The following HID1 variants were observed in gnomAD, a reference collection of about 807,000 sequenced individuals.
The protein encoded by HID1 is protein HID1.
HID1 carries 42 observed loss-of-function variants against 89.7 expected under a neutral mutation model. That is an observed-to-expected ratio of 0.47 (90% CI 0.37 to 0.61). The LOEUF (loss-of-function observed/expected upper bound fraction) is 0.61, where lower values mean the gene tolerates loss of function less well. HID1 is among the 20% of genes least tolerant of loss of function. HID1 has a pLI of 0.00. For missense variants in HID1, 854 were observed against 1,039.3 expected, an observed-to-expected ratio of 0.82 and a Z score of 2.45; for synonymous variants, 442 against 433.8, an observed-to-expected ratio of 1.02 and a Z score of -0.24.
chr17:74,960,078 G>A lies in HID1; in HGVS notation c.899C>T (p.Ala300Val), dbSNP rs775504667. The change falls in exon 7 of 19, where the codon GCC becomes GTC. Residue 300 changes from alanine (A) to valine (V), a missense_variant. Physicochemically the swap from Ala to Val is moderately conservative, Grantham distance 64. Transcript: ENST00000425042. ...VTLDHDSASS[A>V]SPTVDGTTTG... ...GGTGGTGCCGTCCACAGTGGGGCTGGCACTGCTGGCACTGTCGTGGTCCAA... is the reference window on the plus strand; with the variant it reads ...GGTGGTGCCGTCCACAGTGGGGCTGACACTGCTGGCACTGTCGTGGTCCAA... The A allele has an allele frequency of 6.2e-6, 10 of 1,613,444 alleles. No individual in the cohort carries two copies. The South Asian group carries it at 8.8e-5, about 14-fold the overall frequency.
In HID1 at chr17:74,951,940, C is replaced by G; in HGVS notation, c.2268G>C (p.Trp756Cys). ...TGACGCCCCACATGTAGGTGCGGAA[C>G]CACATGGCAGTGCCCGAGTTGGCCT... ...KYQANSGTAM[W>C]FRTYMWGVIY... The change falls in exon 18 of 19, where the codon TGG becomes TGC. Residue 756 changes from tryptophan to cysteine, a missense_variant. Physicochemically the swap from Trp to Cys is radical, Grantham distance 215. Coordinates refer to ENST00000425042, the MANE Select transcript of HID1 (RefSeq NM_030630.3). 6.4e-7 allele frequency: 1 copy of G among 1,556,080 alleles called. No individual in the cohort carries two copies. Among genetic ancestry groups the G allele is most frequent in the Non-Finnish European group, 8.7e-7 (1 of 1,150,722 alleles).
rs1219690226 is a variant in HID1, at chr17:74,960,091, T to C, written c.886A>G (p.Ser296Gly). 6.2e-7 allele frequency: 1 copy of C among 1,613,838 alleles called. No homozygotes were observed. The highest frequency in any genetic ancestry group is 8.5e-7 in the Non-Finnish European group (1 of 1,180,050). ...ACAGTGGGGCTGGCACTGCTGGCACTGTCGTGGTCCAAAGTGACAATGAGC... is the reference window on the plus strand; with the variant it reads ...ACAGTGGGGCTGGCACTGCTGGCACCGTCGTGGTCCAAAGTGACAATGAGC... ...QVLIVTLDHD[S>G]ASSASPTVDG... The change falls in exon 7 of 19, where the codon AGT (serine) becomes GGT (glycine). Residue 296 changes from serine to glycine, a missense_variant. Transcript: ENST00000425042.
At chr17:74,971,596 T>TG (rs577176039) in intron 1 of HID1, among the ~76,000 whole-genome samples, 8 of 151,174 alleles carry the variant, frequency 5.3e-5, no homozygotes, top group Admixed American at 4.6e-4. Context: ...GAGCAGGAGG[T>TG]GGGGGGGCCA....
chr17:74,965,596 C>G (rs1598632745), intron 1 of HID1, among the ~76,000 whole-genome samples: 2 of 152,186 alleles, frequency 1.3e-5, no homozygotes, highest in Non-Finnish European at 2.9e-5. Context: ...TTCCAAAATC[C>G]ATTCCCACGG....
chr17:74,964,079 G>A (rs1482197264), intron 2 of HID1, 169 bp from the exon 3 acceptor site: 11 of 674,352 alleles, frequency 1.6e-5, no homozygotes, highest in East Asian at 5.4e-5. Context: ...AGTTGGGGTC[G>A]GCCAGCCTTG....
Position 74,961,885 on chromosome 17 carries a change from G to A in HID1, c.716C>T (p.Ser239Phe). The A allele has an allele frequency of 1.9e-6, 3 of 1,576,724 alleles. No homozygotes were observed. The highest frequency in any genetic ancestry group is 1.7e-6 in the Non-Finnish European group (2 of 1,160,920). The change falls in exon 6 of 19, where the codon TCC becomes TTC. Residue 239 changes from serine (S) to phenylalanine (F), a missense_variant. Ser to Phe is a radical substitution (Grantham distance 155, BLOSUM62 -2). Coordinates refer to ENST00000425042, the MANE Select transcript of HID1 (RefSeq NM_030630.3). Reference protein sequence around the residue: ...STNPWVQFFCSTENRHALPLF... With the variant: ...STNPWVQFFCFTENRHALPLF... ...AAGGGCCCTTCACCTGTTCTCCGTG[G>A]AACAAAAGAACTGAACCCATGGGTT...
rs1176389073 is a variant in HID1 at position 74,958,354 on chromosome 17, T to G, written c.1365A>C (p.Thr455=). The change falls in exon 11 of 19, where the codon ACA becomes ACC. Residue 455 remains threonine (T), a synonymous_variant. Transcript: ENST00000425042. The surrounding 1 kb of genome is among the most constrained non-coding windows in gnomAD (Gnocchi z 5.2). ...IRVPMDIPVF[T]GTHADLLIVV... is the part of the protein sequence containing the mutation. ...CAATGAGCAGGTCGGCGTGGGTCCC[T>G]GTGAAGACTGGGATGTCCATGGGCA... is the stretch of plus-strand genomic sequence containing the variant. 9 of 1,613,038 alleles carry G rather than the reference T, an allele frequency of 5.6e-6. No homozygotes were observed. Among genetic ancestry groups the G allele is most frequent in the Non-Finnish European group, 6.8e-6 (8 of 1,179,664 alleles).
chr17:74,953,017 T>C lies in HID1; in HGVS notation c.2041A>G (p.Thr681Ala), dbSNP rs1295983220. 4.4e-6 allele frequency: 7 copies of C among 1,607,020 alleles called. No individual in the cohort carries two copies. Among genetic ancestry groups the C allele is most frequent in the Admixed American group, 3.4e-5 (2 of 59,330 alleles). Residue 681 changes from threonine (T) to alanine (A), a missense_variant, in exon 16 of 19, where the codon ACG (threonine) becomes GCG (alanine). Transcript: ENST00000425042. The stretch of plus-strand genomic sequence containing the variant: ...GGGTCCCTCCTCACCCACTCTGGCG[T>C]TGGGCTCCACTGCCCACTGGCTGAT... ...TSSASGQWSP[T>A]PEWVLSWKSK...
chr17:74,962,659 T>C lies in HID1; in HGVS notation c.504+306A>G, dbSNP rs1002605592. 5.3e-5 allele frequency among the ~76,000 whole-genome samples: 8 copies of C among 151,682 alleles called. No individual in the cohort carries two copies. The highest frequency in any genetic ancestry group is 1.9e-4 in the African/African-American group (8 of 41,266). ...GGGGGTGGGCAGAGAAGACTCAAGG[T>C]GAAGTCCATGCCACCACAGGAAGCA... On this transcript the variant is annotated intron_variant, in intron 4 of 18. Transcript: ENST00000425042. This position sits in a 1 kb window ranked among gnomAD's most constrained non-coding sequence, Gnocchi z 4.3.
chr17:74,972,736 G>C lies in HID1; in HGVS notation c.-80C>G. 1 of 1,343,148 alleles carries C rather than the reference G, an allele frequency of 7.4e-7. No homozygotes were observed. The allele number at this position is 1,343,148 out of a possible 1,614,324, so 83.2% of individuals were successfully genotyped here. Reference sequence around the variant, plus strand: ...CTTCAGCTCCGGCTCCAGCTCCGCGGCCCCCGCGGCTCTCGCAGGAGACAA... The same window carrying C: ...CTTCAGCTCCGGCTCCAGCTCCGCGCCCCCCGCGGCTCTCGCAGGAGACAA... On this transcript the variant is annotated 5_prime_UTR_variant, in exon 1 of 19. Transcript: ENST00000425042. The surrounding 1 kb of genome is among the most constrained non-coding windows in gnomAD (Gnocchi z 6.4).
Position 74,959,846 on chromosome 17 carries a change from G to A in HID1, c.1008+35C>T, listed in dbSNP as rs762865045. 6.2e-7 allele frequency: 1 copy of A among 1,608,614 alleles called. No individual in the cohort carries two copies. The highest frequency in any genetic ancestry group is 2.2e-5 in the East Asian group (1 of 44,844). ...ATCCCTGTCTCACTTGCATCCCCCTGCACCCTGCAAAGCCACTGTGGGGAC... is the reference window on the plus strand; with the variant it reads ...ATCCCTGTCTCACTTGCATCCCCCTACACCCTGCAAAGCCACTGTGGGGAC... On this transcript the variant is annotated intron_variant, in intron 8 of 18. Coordinates refer to ENST00000425042, the MANE Select transcript of HID1 (RefSeq NM_030630.3). This position sits in a 1 kb window ranked among gnomAD's most constrained non-coding sequence, Gnocchi z 4.6.
chr17:74,960,717 G>T (rs1436954571), intron 6 of HID1, among the ~76,000 whole-genome samples: 1 of 152,224 alleles, frequency 6.6e-6, no homozygotes, highest in Non-Finnish European at 1.5e-5. Context: ...GACTGTGGCT[G>T]GTGGAGGGGG....
At chr17:74,966,604 C>A (rs753465504) in intron 1 of HID1, among the ~76,000 whole-genome samples, 5 of 151,980 alleles carry the variant, frequency 3.3e-5, no homozygotes, top group African/African-American at 4.8e-5. Flanking sequence ...CACAAGCCTG[C>A]ACTTCATACA....
At chr17:74,968,449 C>T (rs1218399376) in intron 1 of HID1, among the ~76,000 whole-genome samples, 1 of 151,744 alleles carries the variant, frequency 6.6e-6, no homozygotes, top group African/African-American at 2.4e-5. Flanking sequence ...CAGGCATACC[C>T]CAGCCCACTC....
chr17:74,959,055 G>C lies in HID1; in HGVS notation c.1009-4C>G. The C allele has an allele frequency of 6.4e-7, 1 of 1,557,276 alleles. No homozygotes were observed. The highest frequency in any genetic ancestry group is 2.2e-5 in the East Asian group (1 of 44,546). ...CCTTGAGGATGAACTGGAAGTCCTGGGGGCGAGGGCAGAGCAGGGGGCCTG... is the reference window on the plus strand; with the variant it reads ...CCTTGAGGATGAACTGGAAGTCCTGCGGGCGAGGGCAGAGCAGGGGGCCTG... On this transcript the variant is annotated splice_polypyrimidine_tract_variant and splice_region_variant and intron_variant, in intron 8 of 18. Transcript: ENST00000425042. The surrounding 1 kb of genome is among the most constrained non-coding windows in gnomAD (Gnocchi z 4.6).
intron 6 of HID1, among the ~76,000 whole-genome samples, chr17:74,960,653 G>T (rs2039465312): frequency 6.6e-6 from 1 of 152,250 alleles, no homozygotes. Context: ...GAGGGACAAA[G>T]GGTGGCAGTT....
intron 6 of HID1, 158 bp downstream of exon 6, chr17:74,961,715 G>C (rs1449966170): frequency 2.4e-6 from 1 of 408,408 alleles, no homozygotes; most frequent in Non-Finnish European, 4.4e-6. Context: ...TCCAAGGAGA[G>C]ACGGGGCTAG....
In HID1 at chr17:74,958,984, G is replaced by A; in HGVS notation, c.1076C>T (p.Pro359Leu). The A allele has an allele frequency of 6.2e-7, 1 of 1,605,284 alleles. No homozygotes were observed. Among genetic ancestry groups the A allele is most frequent in the Non-Finnish European group, 8.5e-7 (1 of 1,177,232 alleles). Residue 359 changes from proline to leucine, a missense_variant, in exon 9 of 19, where the codon CCT becomes CTT. Physicochemically the swap from Pro to Leu is moderately conservative, Grantham distance 98. Transcript: ENST00000425042. The surrounding 1 kb of genome is among the most constrained non-coding windows in gnomAD (Gnocchi z 5.2). ...LSNPLLQTYL[P>L]NSTKKIQFHQ... ...GAACTGGATCTTCTTGGTGGAGTTA[G>A]GCAGGTAGGTCTGGAGCAGGGGGTT...
chr17:74,960,307 C>T (rs1215906745), intron 6 of HID1, 59 bp from the exon 7 acceptor site: 7 of 1,435,384 alleles, frequency 4.9e-6, no homozygotes, highest in Non-Finnish European at 5.7e-6. Flanking sequence ...CCCCTGGCCA[C>T]ACCTCTCTGG....
Sources: allele counts gnomAD v4.1 joint callset (sites outside exome capture counted in the v4.1 genomes callset), GRCh38; gene constraint gnomAD v4.1.1; non-coding constraint Gnocchi (gnomAD v3.1); transcripts MANE v1.5; gene names NCBI Gene and HGNC (gene_info 2026-07-23, HGNC 2026-07-21).